The following SEMA3A variants were observed in gnomAD, a reference collection of about 807,000 sequenced individuals.
The protein encoded by SEMA3A is semaphorin-3A.
A neutral mutation model predicts 97.9 loss-of-function variants in SEMA3A; 29 were observed. The ratio of observed to expected loss-of-function variants is 0.30; its 90% CI spans 0.22 to 0.40. SEMA3A has a LOEUF of 0.40. Among genes scored for constraint, SEMA3A ranks in the 10% least tolerant of loss-of-function variants. The probability of loss-of-function intolerance (pLI) is 1.00; values close to 1 mark genes in which losing one functional copy is unlikely to be tolerated. For synonymous variants in SEMA3A, 321 were observed against 323.7 expected, an observed-to-expected ratio of 0.99 and a Z score of 0.09; for missense variants, 763 against 951.3, an observed-to-expected ratio of 0.80 and a Z score of 2.60.
chr7:84,051,849 G>C (rs1792671572), intron 5 of SEMA3A, among the ~76,000 whole-genome samples: 1 of 151,246 alleles, frequency 6.6e-6, no homozygotes, highest in Non-Finnish European at 1.5e-5. Context: ...CTGTGGGTTT[G>C]TCATAGATAG....
intron 6 of SEMA3A, among the ~76,000 whole-genome samples, chr7:84,030,126 G>A (rs896562730): frequency 2.0e-5 from 3 of 152,034 alleles, no homozygotes; most frequent in African/African-American, 7.2e-5. Context: ...TTTTGAACTT[G>A]GATGAAGTAA....
intron 4 of SEMA3A, among the ~76,000 whole-genome samples, chr7:84,087,228 C>T (rs1426328641): frequency 1.3e-5 from 2 of 152,258 alleles, no homozygotes; most frequent in South Asian, 4.2e-4. Flanking sequence ...GAGTTCAAAT[C>T]ATGGCTCTGT....
chr7:84,260,960 G>A (rs1245738639), intron 3 of SEMA3A, among the ~76,000 whole-genome samples: 3 of 152,066 alleles, frequency 2.0e-5, no homozygotes, highest in Admixed American at 2.0e-4. Flanking sequence ...ATGGTGCTTT[G>A]TCTGGGCCCC....
intron 4 of SEMA3A, among the ~76,000 whole-genome samples, chr7:84,081,512 GA>G (rs1794159987): frequency 6.6e-6 from 1 of 150,866 alleles, no homozygotes; most frequent in Admixed American, 6.6e-5. Context: ...AGAATGGCGT[GA>G]ACCCGGGAGG....
chr7:84,173,785 C>T (rs1584081527), intron 1 of SEMA3A, among the ~76,000 whole-genome samples: 1 of 152,032 alleles, frequency 6.6e-6, no homozygotes, highest in African/African-American at 2.4e-5. Flanking sequence ...GGGAACTGGG[C>T]CACACAGCAG....
intron 1 of SEMA3A, among the ~76,000 whole-genome samples, chr7:84,163,563 A>T (rs1475883164): frequency 6.6e-6 from 1 of 152,186 alleles, no homozygotes; most frequent in Admixed American, 6.5e-5. Context: ...GAACAAAATG[A>T]TATAATAAAA....
chr7:83,990,035 T>C (rs1380922046), intron 12 of SEMA3A, among the ~76,000 whole-genome samples: 2 of 152,008 alleles, frequency 1.3e-5, no homozygotes, highest in East Asian at 3.9e-4. Context: ...TGGTATCTCA[T>C]TGTGGTTTTG....
intron 14 of SEMA3A, 123 bp downstream of exon 14, chr7:83,981,198 T>A: frequency 1.9e-6 from 2 of 1,048,364 alleles, no homozygotes; most frequent in East Asian, 5.3e-5. Context: ...CCCCTCCATC[T>A]GCTCCCAAAT....
At chr7:84,262,912 A>C (rs184971868) in intron 3 of SEMA3A, among the ~76,000 whole-genome samples, 1 of 152,334 alleles carries the variant, frequency 6.6e-6, no homozygotes, top group East Asian at 1.9e-4. Context: ...CAAGCTCAGC[A>C]AAAGAACAGA....
chr7:84,027,206 C>T (rs1341576280), intron 6 of SEMA3A, among the ~76,000 whole-genome samples: 1 of 152,098 alleles, frequency 6.6e-6, no homozygotes, highest in East Asian at 1.9e-4. Context: ...CTACCTAGTC[C>T]CTGGATATAC....
chr7:84,058,907 A>T (rs576958008), intron 5 of SEMA3A, among the ~76,000 whole-genome samples: 13 of 152,290 alleles, frequency 8.5e-5, no homozygotes, highest in Admixed American at 2.0e-4. Context: ...GGGTGGTTGC[A>T]TACCATATGA....
intron 1 of SEMA3A, among the ~76,000 whole-genome samples, chr7:84,135,934 T>C (rs1796109576): frequency 6.6e-6 from 1 of 152,198 alleles, no homozygotes; most frequent in African/African-American, 2.4e-5. Context: ...CTAAACAATA[T>C]ACCTATACTT....
chr7:84,404,258 A>G (rs937894381), intron 1 of SEMA3A, among the ~76,000 whole-genome samples: 7 of 152,368 alleles, frequency 4.6e-5, no homozygotes, highest in African/African-American at 1.7e-4. Context: ...CACAAGCCTC[A>G]GTAACCAATG....
chr7:84,153,544 G>A (rs546359482), intron 1 of SEMA3A, among the ~76,000 whole-genome samples: 6 of 152,176 alleles, frequency 3.9e-5, no homozygotes, highest in African/African-American at 1.2e-4. Context: ...AAAGATGCAT[G>A]TTTTAATCTC....
intron 1 of SEMA3A, among the ~76,000 whole-genome samples, chr7:84,159,565 A>G (rs1796961618): frequency 1.3e-5 from 2 of 152,272 alleles, no homozygotes; most frequent in African/African-American, 4.8e-5. Flanking sequence ...ACTTACTTCC[A>G]AGAGAGCTAA....
At chr7:84,397,413 C>T (rs916155686) in intron 1 of SEMA3A, among the ~76,000 whole-genome samples, 47 of 147,452 alleles carry the variant, frequency 3.2e-4, no homozygotes, top group African/African-American at 1.1e-3. Flanking sequence ...ATGTAATAAG[C>T]ATTATATATA....
Position 84,067,221 on chromosome 7 carries a change from G to T in SEMA3A, c.454-6663C>A, listed in dbSNP as rs1262786719. On this transcript the variant is annotated intron_variant, in intron 4 of 16. Transcript: ENST00000265362. ...TGCTGGGAAAACTGGCTAGCCATAT[G>T]TAGAAAGCTGAAACTGGATCCCTTC... is the stretch of plus-strand genomic sequence containing the variant. Among the ~76,000 whole-genome samples the T allele has an allele frequency of 3.3e-5, 5 of 152,180 alleles. No homozygotes were observed. In the East Asian group the frequency reaches 9.7e-4, roughly 29 times the overall value.
chr7:84,137,067 A>C (rs1340872135), intron 1 of SEMA3A, among the ~76,000 whole-genome samples: 1 of 152,096 alleles, frequency 6.6e-6, no homozygotes, highest in Non-Finnish European at 1.5e-5. Flanking sequence ...GTCTCCAGAG[A>C]GGAGGGACAG....
intron 16 of SEMA3A, among the ~76,000 whole-genome samples, chr7:83,962,119 A>C (rs1788496122): frequency 6.6e-6 from 1 of 152,140 alleles, no homozygotes. Flanking sequence ...GATACTTTAT[A>C]CATTTGAAAG....
Sources: gnomAD v4.1 joint callset for allele counts (sites outside exome capture counted in the v4.1 genomes callset) on GRCh38, gnomAD v4.1.1 for gene constraint, MANE v1.5 for transcripts, NCBI Gene and HGNC (gene_info 2026-07-23, HGNC 2026-07-21) for gene names.